Variants in GOSR2 observed in about 807,000 individuals in gnomAD.
GOSR2 encodes golgi SNAP receptor complex member 2.
In GOSR2, 20 loss-of-function variants were observed where a neutral mutation model predicts 27.9. The ratio of observed to expected loss-of-function variants is 0.72; its 90% CI spans 0.50 to 1.04. The LOEUF (loss-of-function observed/expected upper bound fraction) is 1.04, where lower values mean the gene tolerates loss of function less well. GOSR2 is among the 50% of genes least tolerant of loss of function. GOSR2 has a pLI of 0.00. For missense variants in GOSR2, 261 were observed against 270.5 expected (o/e 0.97, Z 0.25); for synonymous variants, 91 against 98.8 (o/e 0.92, Z 0.47).
chr17:46,925,711 CTTA>C (rs758019609), intron 1 of GOSR2, among the ~76,000 whole-genome samples: 7 of 152,124 alleles, frequency 4.6e-5, no homozygotes, highest in Non-Finnish European at 8.8e-5. Context: ...AGTAGCTGAA[CTTA>C]TTAATTTTAC....
At chr17:46,964,062 C>T (rs1248485708) in intron 6 of GOSR2, 1 of 152,282 alleles carries the variant, frequency 6.6e-6, no homozygotes, top group African/African-American at 2.4e-5. Context: ...ATTCTCCCAC[C>T]TCAGCCTCCC....
intron 4 of GOSR2, 94 bp from the exon 5 acceptor site, chr17:46,934,935 G>A: frequency 6.2e-6 from 7 of 1,121,136 alleles, no homozygotes; most frequent in South Asian, 3.7e-5. Context: ...CCCTCCGGCT[G>A]TTCTGGCTTG....
chr17:46,970,990 A>G (rs895624427), downstream of GOSR2, among the ~76,000 whole-genome samples: 1 of 152,256 alleles, frequency 6.6e-6, no homozygotes, highest in Non-Finnish European at 1.5e-5. Flanking sequence ...GGTTGCAGGA[A>G]TGTGGCTACT....
At chr17:46,945,218 C>T (rs1323452940), downstream of GOSR2, among the ~76,000 whole-genome samples, 1 of 152,144 alleles carries the variant, frequency 6.6e-6, no homozygotes, top group Non-Finnish European at 1.5e-5. Flanking sequence ...GCTCTGAGGC[C>T]TGATGTGCTG....
downstream of GOSR2, among the ~76,000 whole-genome samples, chr17:46,967,691 T>A (rs1177322946): frequency 4.6e-5 from 7 of 151,468 alleles, no homozygotes; most frequent in Admixed American, 4.6e-4. Context: ...CCCTAGGAGG[T>A]CTTGAAAACT....
At chr17:46,959,147 T>C (rs2090910323) in intron 6 of GOSR2, among the ~76,000 whole-genome samples, 1 of 152,158 alleles carries the variant, frequency 6.6e-6, no homozygotes, top group Non-Finnish European at 1.5e-5. Flanking sequence ...ACTGATGAGA[T>C]GGTGGGAAGT....
intron 6 of GOSR2, among the ~76,000 whole-genome samples, chr17:46,951,238 G>A (rs542645918): frequency 2.6e-5 from 4 of 152,264 alleles, no homozygotes; most frequent in African/African-American, 9.6e-5. Flanking sequence ...CTGGAACGGC[G>A]GGTTCCAGAG....
chr17:46,936,538 C>T (rs530615645), intron 5 of GOSR2: 6 of 985,544 alleles, frequency 6.1e-6, no homozygotes, highest in African/African-American at 3.5e-5. Flanking sequence ...CTGCCTCCGT[C>T]GGGATTTTCC....
At position 46,961,459 on chromosome 17, in the gene GOSR2, C is replaced by T. The variant is rs534593624; in HGVS notation, c.584-5075C>T. On this transcript the variant is annotated intron_variant, in intron 6 of 6. Coordinates refer to the GOSR2 transcript ENST00000573224. ...CTGAGGTGAGAGGATTGCTTAAGCTCAGGAGTTCGAGGCTGCAGTGAGCTA... is the reference window on the plus strand; with the variant it reads ...CTGAGGTGAGAGGATTGCTTAAGCTTAGGAGTTCGAGGCTGCAGTGAGCTA... Among the ~76,000 whole-genome samples the T allele has an allele frequency of 2.6e-5, 4 of 152,152 alleles. No individual in the cohort carries two copies. In the South Asian group the frequency reaches 8.3e-4, roughly 32 times the overall value.
At chr17:46,934,961 C>A in intron 4 of GOSR2, 68 bp from the exon 5 acceptor site, 2 of 1,440,598 alleles carry the variant, frequency 1.4e-6, no homozygotes, top group Non-Finnish European at 2.0e-6. Flanking sequence ...GGCCAAAAGA[C>A]AGAGCAGTGA....
At chr17:46,947,053 T>C (rs1029825355) in intron 6 of GOSR2, among the ~76,000 whole-genome samples, 2 of 151,990 alleles carry the variant, frequency 1.3e-5, no homozygotes, top group African/African-American at 4.8e-5. Context: ...CTCAGCAGGC[T>C]GGGTTTGGAG....
At position 46,941,008 on chromosome 17, in the gene GOSR2, G is replaced by T. The variant is rs2089197785; in HGVS notation, c.*2248G>T. 4.4e-6 allele frequency: 5 copies of T among 1,125,562 alleles called. No homozygotes were observed. The highest frequency in any genetic ancestry group is 5.5e-6 in the Non-Finnish European group (5 of 912,280). The allele number at this position is 1,125,562 out of a possible 1,614,324, so 69.7% of individuals were successfully genotyped here. A position where few individuals can be genotyped will look rare whatever the true frequency, so the allele number is the denominator to read the frequency against. On this transcript the variant is annotated 3_prime_UTR_variant, in exon 6 of 6. Coordinates refer to ENST00000640051, the MANE Select transcript of GOSR2 (RefSeq NM_004287.5). Reference sequence around the variant, plus strand: ...GGCCAGGGAAGGAGCACCCTCTAGTGGAGGCGGGGGTGAATTCTTAGGTCG... The same window carrying T: ...GGCCAGGGAAGGAGCACCCTCTAGTTGAGGCGGGGGTGAATTCTTAGGTCG...
At chr17:46,946,282 C>CAA (rs58163051), downstream of GOSR2, among the ~76,000 whole-genome samples, 136 of 126,704 alleles carry the variant, frequency 1.1e-3, no homozygotes, top group African/African-American at 4.0e-3. Flanking sequence ...CTAAAAATAC[C>CAA]AAAAAAAAAA....
rs2088918741 is a variant in GOSR2, at chr17:46,939,261, C to T, written c.*501C>T. Reference sequence around the variant, plus strand: ...TCACATCCTCGTGCTCCTGGCCACCCTCCCCTGTGCCTCAGTGACATGTAG... The same window carrying T: ...TCACATCCTCGTGCTCCTGGCCACCTTCCCCTGTGCCTCAGTGACATGTAG... On this transcript the variant is annotated 3_prime_UTR_variant, in exon 6 of 6. Coordinates refer to ENST00000640051, the MANE Select transcript of GOSR2 (RefSeq NM_004287.5). 3 of 1,036,318 alleles carry T rather than the reference C, an allele frequency of 2.9e-6. No individual in the cohort carries two copies. Among genetic ancestry groups the T allele is most frequent in the South Asian group, 3.7e-5 (1 of 27,032 alleles). 64.2% of individuals were successfully genotyped at this position (1,036,318 alleles called of 1,614,324 possible).
intron 6 of GOSR2, among the ~76,000 whole-genome samples, chr17:46,965,628 T>TCTGTTCTTTG (rs2091280463): frequency 6.6e-6 from 1 of 151,792 alleles, no homozygotes; most frequent in African/African-American, 2.4e-5. Flanking sequence ...ATGCCTTCTC[T>TCTGTTCTTTG]TTCTTTTTTT....
chr17:46,951,217 C>T (rs1313402309), intron 6 of GOSR2, among the ~76,000 whole-genome samples: 1 of 152,164 alleles, frequency 6.6e-6, no homozygotes, highest in Non-Finnish European at 1.5e-5. Flanking sequence ...GGACGCAGCC[C>T]ACAGGCTTGG....
At chr17:46,944,880 A>G (rs2089703448), downstream of GOSR2, among the ~76,000 whole-genome samples, 1 of 152,148 alleles carries the variant, frequency 6.6e-6, no homozygotes, top group Non-Finnish European at 1.5e-5. Flanking sequence ...GATTACTGGC[A>G]TAAGCCACCG....
At chr17:46,927,493 A>G (rs2086662904) in intron 1 of GOSR2, among the ~76,000 whole-genome samples, 1 of 151,978 alleles carries the variant, frequency 6.6e-6, no homozygotes, top group South Asian at 2.1e-4. Context: ...GCACACCTGT[A>G]TTTTCTTCAG....
At chr17:46,964,915 A>C (rs1252782255) in intron 6 of GOSR2, 1 of 152,220 alleles carries the variant, frequency 6.6e-6, no homozygotes. Flanking sequence ...CTCTAACTGC[A>C]AGGCTTTGAC....
Sources: gnomAD v4.1 joint callset for allele counts (sites outside exome capture counted in the v4.1 genomes callset) on GRCh38, gnomAD v4.1.1 for gene constraint, MANE v1.5 for transcripts, NCBI Gene and HGNC (gene_info 2026-07-23, HGNC 2026-07-21) for gene names.